Variants in COL25A1 observed in about 807,000 individuals in gnomAD.
The protein encoded by COL25A1 is collagen alpha-1(XXV) chain.
COL25A1 carries 103 observed loss-of-function variants against 128.4 expected under a neutral mutation model. The observed-to-expected ratio is 0.80, with a 90% CI of 0.68 to 0.94. The LOEUF is 0.94. COL25A1 is among the 40% of genes least tolerant of loss of function. The probability of loss-of-function intolerance (pLI) is 0.00; values close to 1 mark genes in which losing one functional copy is unlikely to be tolerated. For synonymous variants in COL25A1, 279 were observed against 277.2 expected (o/e 1.01, Z -0.06); for missense variants, 745 against 840.0 (o/e 0.89, Z 1.40).
At chr4:109,239,176 T>C (rs892875217) in intron 3 of COL25A1, among the ~76,000 whole-genome samples, 3 of 151,782 alleles carry the variant, frequency 2.0e-5, no homozygotes, top group East Asian at 3.9e-4. Context: ...AACTGCATCA[T>C]TAGGCAATTT....
intron 3 of COL25A1, among the ~76,000 whole-genome samples, chr4:109,132,040 G>A (rs1769265617): frequency 6.6e-6 from 1 of 152,174 alleles, no homozygotes; most frequent in African/African-American, 2.4e-5. Flanking sequence ...GTATTGAGAA[G>A]TGCCAATGAG....
intron 3 of COL25A1, among the ~76,000 whole-genome samples, chr4:109,136,967 C>A (rs902831111): frequency 6.6e-6 from 1 of 152,210 alleles, no homozygotes. Context: ...AGCTTCGAAG[C>A]AGATTTTCCC....
intron 3 of COL25A1, among the ~76,000 whole-genome samples, chr4:109,295,542 C>T (rs947065923): frequency 1.3e-5 from 2 of 152,064 alleles, no homozygotes; most frequent in African/African-American, 4.8e-5. Context: ...TATCCCCTTA[C>T]TTGATGCACT....
intron 13 of COL25A1, among the ~76,000 whole-genome samples, chr4:108,906,238 G>A (rs1743504403): frequency 6.6e-6 from 1 of 152,024 alleles, no homozygotes; most frequent in Non-Finnish European, 1.5e-5. Context: ...CAGCCACACT[G>A]AACCCCGCCC....
chr4:108,890,553 A>G (rs1741366403), intron 16 of COL25A1, among the ~76,000 whole-genome samples: 1 of 152,182 alleles, frequency 6.6e-6, no homozygotes, highest in African/African-American at 2.4e-5. Flanking sequence ...AATGTTGCTT[A>G]TTTCTGAAAT....
At chr4:109,198,504 T>G (rs910216749) in intron 3 of COL25A1, among the ~76,000 whole-genome samples, 5 of 152,194 alleles carry the variant, frequency 3.3e-5, no homozygotes, top group Non-Finnish European at 5.9e-5. Flanking sequence ...TTAAATTTAC[T>G]GATAACCAGG....
chr4:109,040,077 A>T (rs892248170), intron 5 of COL25A1, among the ~76,000 whole-genome samples: 1 of 152,224 alleles, frequency 6.6e-6, no homozygotes, highest in Non-Finnish European at 1.5e-5. Context: ...TAATAAAAAT[A>T]TCATTAATAA....
chr4:109,093,472 A>AAAACAAAAAAC (rs1553931037), intron 3 of COL25A1, among the ~76,000 whole-genome samples: 1 of 145,468 alleles, frequency 6.9e-6, no homozygotes, highest in African/African-American at 2.6e-5. Flanking sequence ...AAAAAAAAAA[A>AAAACAAAAAAC]AAAACCTTTT....
At chr4:109,118,544 C>G (rs531507725) in intron 3 of COL25A1, among the ~76,000 whole-genome samples, 2 of 151,576 alleles carry the variant, frequency 1.3e-5, no homozygotes, top group East Asian at 3.9e-4. Flanking sequence ...AAAGATGTAC[C>G]ACGGGAACAC....
At chr4:109,293,773 G>A (rs966633787) in intron 3 of COL25A1, among the ~76,000 whole-genome samples, 7 of 152,068 alleles carry the variant, frequency 4.6e-5, no homozygotes, top group Admixed American at 2.0e-4. Flanking sequence ...TAAAAAATGC[G>A]CTTCAAATCT....
At chr4:108,898,212 C>T (rs940778865) in intron 15 of COL25A1, among the ~76,000 whole-genome samples, 1 of 152,142 alleles carries the variant, frequency 6.6e-6, no homozygotes, top group South Asian at 2.1e-4. Context: ...TTTAACTGAG[C>T]TGTCCCCTCA....
intron 3 of COL25A1, among the ~76,000 whole-genome samples, chr4:109,214,899 T>G (rs924401860): frequency 3.9e-5 from 6 of 152,168 alleles, no homozygotes; most frequent in Non-Finnish European, 8.8e-5. Flanking sequence ...TTCATTCTGG[T>G]TTAGTCTGGT....
Position 108,818,121 on chromosome 4 carries a change from A to G in COL25A1, c.1924-686T>C, listed in dbSNP as rs1731421398. ...TTATTTTAAAGTGTATGCATTCTTC[A>G]GATACAAATGACACAAATAACGCAG... is the stretch of plus-strand genomic sequence containing the variant. On this transcript the variant is annotated intron_variant, in intron 36 of 37. Coordinates refer to ENST00000399132, the MANE Select transcript of COL25A1 (RefSeq NM_198721.4). Among the ~76,000 whole-genome samples, 3 of 152,324 alleles carry G rather than the reference A, an allele frequency of 2.0e-5. No homozygotes were observed. The South Asian group carries it at 6.2e-4, about 32-fold the overall frequency.
At chr4:109,270,840 A>G (rs1472675385) in intron 3 of COL25A1, among the ~76,000 whole-genome samples, 1 of 152,192 alleles carries the variant, frequency 6.6e-6, no homozygotes, top group Non-Finnish European at 1.5e-5. Flanking sequence ...GAATCTAAAG[A>G]TCATAATTAT....
chr4:109,125,709 A>G (rs1171317101), intron 3 of COL25A1, among the ~76,000 whole-genome samples: 2 of 152,138 alleles, frequency 1.3e-5, no homozygotes, highest in African/African-American at 4.8e-5. Context: ...TCTATGGCCT[A>G]TTGCCACTGA....
chr4:109,224,162 T>C (rs17040097), intron 3 of COL25A1, among the ~76,000 whole-genome samples: 13,192 of 152,144 alleles, frequency 0.087, 1,191 homozygotes, highest in African/African-American at 0.23. Context: ...GTGATAACAG[T>C]GATAAACATA....
At chr4:109,270,792 G>A (rs1782139383) in intron 3 of COL25A1, among the ~76,000 whole-genome samples, 1 of 152,018 alleles carries the variant, frequency 6.6e-6, no homozygotes, top group African/African-American at 2.4e-5. Context: ...TTAGGCACCT[G>A]GAAAACCTAT....
At chr4:108,951,292 T>C (rs1413665810) in intron 8 of COL25A1, among the ~76,000 whole-genome samples, 1 of 152,156 alleles carries the variant, frequency 6.6e-6, no homozygotes, top group Non-Finnish European at 1.5e-5. Flanking sequence ...AAAGAACAGA[T>C]TAAAAGCCAA....
chr4:109,097,941 C>T lies in COL25A1; in HGVS notation c.368-47762G>A, dbSNP rs143013716. On this transcript the variant is annotated intron_variant, in intron 3 of 37. Transcript: ENST00000399132. The stretch of plus-strand genomic sequence containing the variant: ...CCTCCCAAAGTGCTGGGATTACAGA[C>T]GTGAGCCACCGGCACCAGGCACAAA... 9.3e-3 allele frequency among the ~76,000 whole-genome samples: 1,421 copies of T among 152,098 alleles called. 25 individuals carry two copies. The highest frequency in any genetic ancestry group is 0.032 in the African/African-American group (1,336 of 41,506).
Sources: gnomAD v4.1 joint callset for allele counts (sites outside exome capture counted in the v4.1 genomes callset) on GRCh38, gnomAD v4.1.1 for gene constraint, MANE v1.5 for transcripts, NCBI Gene and HGNC (gene_info 2026-07-23, HGNC 2026-07-21) for gene names.